Variants in WNT9A observed in about 807,000 individuals in gnomAD.
WNT9A encodes the protein protein Wnt-9a.
In WNT9A, 8 loss-of-function variants were observed where a neutral mutation model predicts 31.4. That is an observed-to-expected ratio of 0.26 (90% confidence interval 0.15 to 0.46). The LOEUF is 0.46. WNT9A is among the 20% of genes least tolerant of loss of function. The probability of loss-of-function intolerance (pLI) is 0.99; values close to 1 mark genes in which losing one functional copy is unlikely to be tolerated. For synonymous variants in WNT9A, 236 were observed against 220.1 expected, an observed-to-expected ratio of 1.07 and a Z score of -0.64; for missense variants, 457 against 522.9, an observed-to-expected ratio of 0.87 and a Z score of 1.23.
chr1:227,921,699 G>A lies in WNT9A; in HGVS notation c.917C>T (p.Pro306Leu), dbSNP rs769456612. The A allele has an allele frequency of 1.6e-5, 26 of 1,612,612 alleles. No homozygotes were observed. Among genetic ancestry groups the A allele is most frequent in the Admixed American group, 1.5e-4 (9 of 59,968 alleles). Residue 306 changes from proline to leucine, a missense_variant, in exon 4 of 4, where the codon CCG becomes CTG. Transcript: ENST00000272164. ...GTGGCACCTACGGCCAGCGGTGCCC[G>A]GGGAGAAGCGGCCAGCCAGGCAGAA... ...PSFCLAGRFSPGTAGRRCHRE... is the reference protein window; with the variant it reads ...PSFCLAGRFSLGTAGRRCHRE...
rs527243805 is a variant in WNT9A at position 227,928,087 on chromosome 1, T to C, written c.96-2568A>G. ...TGCCCTCTCCCTGTGACCCACCGCC[T>C]TGCCCACACTGGTCAGTGTGAGGCC... On this transcript the variant is annotated intron_variant, in intron 1 of 3. Transcript: ENST00000272164. The surrounding 1 kb of genome is among the most constrained non-coding windows in gnomAD (Gnocchi z 4.5). 1.9e-4 allele frequency among the ~76,000 whole-genome samples: 29 copies of C among 152,170 alleles called. No individual in the cohort carries two copies. The highest frequency in any genetic ancestry group is 7.0e-4 in the African/African-American group (29 of 41,518).
Position 227,921,797 on chromosome 1 carries a change from A to G in WNT9A, c.819T>C (p.Arg273=). The G allele has an allele frequency of 1.2e-6, 2 of 1,612,552 alleles. No homozygotes were observed. Among genetic ancestry groups the G allele is most frequent in the Non-Finnish European group, 1.7e-6 (2 of 1,179,696 alleles). Residue 273 remains arginine, a synonymous_variant, in exon 4 of 4, where the codon CGT becomes CGC. Transcript: ENST00000272164. ...EAGAISPPRG[R]ASGAGGSDPL... ...GGTCGCTGCCACCTGCCCCCGAGGC[A>G]CGGCCCCGTGGTGGGGAGATGGCAC...
rs563819330 is a variant in WNT9A, at chr1:227,939,239, G to A, written c.95+8554C>T. 5.3e-5 allele frequency among the ~76,000 whole-genome samples: 8 copies of A among 152,350 alleles called. No homozygotes were observed. In the South Asian group the frequency reaches 1.0e-3, roughly 20 times the overall value. On this transcript the variant is annotated intron_variant, in intron 1 of 3. Transcript: ENST00000272164. Reference sequence around the variant, plus strand: ...TGGTCTCAGGAACCACGGGGGAGGTGGCTCCAGGGAGCGGTGACCCGGTCG... The same window carrying A: ...TGGTCTCAGGAACCACGGGGGAGGTAGCTCCAGGGAGCGGTGACCCGGTCG...
At chr1:227,924,644 C>T (rs1469885273) in intron 2 of WNT9A, among the ~76,000 whole-genome samples, 1 of 152,162 alleles carries the variant, frequency 6.6e-6, no homozygotes, top group Admixed American at 6.5e-5. Flanking sequence ...ATGGCTCCGG[C>T]TCCGTGGTCA....
chr1:227,930,401 C>T (rs1666490079), intron 1 of WNT9A, among the ~76,000 whole-genome samples: 1 of 152,166 alleles, frequency 6.6e-6, no homozygotes, highest in African/African-American at 2.4e-5. Context: ...TGAGTTGTGC[C>T]GGGGCACAGA....
intron 3 of WNT9A, 92 bp from the exon 4 acceptor site, chr1:227,922,092 A>T: frequency 6.7e-7 from 1 of 1,499,696 alleles, no homozygotes; most frequent in Non-Finnish European, 8.9e-7. Context: ...GAGGGACCCC[A>T]CACCCCCACC....
Position 227,924,419 on chromosome 1 carries a change from G to A in WNT9A, c.353-19C>T, listed in dbSNP as rs755025392. The A allele has an allele frequency of 4.2e-5, 68 of 1,603,456 alleles. No individual in the cohort carries two copies. The highest frequency in any genetic ancestry group is 2.8e-4 in the Admixed American group (17 of 59,700). ...TTGAAGCCTGGGGTTGGCAAGGGCC[G>A]ATCAGTGAGCCCAGGCTGCCCAGAG... On this transcript the variant is annotated intron_variant, in intron 2 of 3. Coordinates refer to ENST00000272164, the MANE Select transcript of WNT9A (RefSeq NM_003395.4).
chr1:227,938,393 AC>A (rs1158724825), intron 1 of WNT9A, among the ~76,000 whole-genome samples: 3 of 150,702 alleles, frequency 2.0e-5, no homozygotes, highest in Non-Finnish European at 4.4e-5. Context: ...ACCCACACAA[AC>A]CCCCTCACAC....
Position 227,922,611 on chromosome 1 carries a change from G to A in WNT9A, c.616-611C>T, listed in dbSNP as rs77586907. Among the ~76,000 whole-genome samples, 929 of 152,286 alleles carry A rather than the reference G, an allele frequency of 6.1e-3. 51 individuals are homozygous for A. The East Asian group carries it at 0.13, about 22-fold the overall frequency. On this transcript the variant is annotated intron_variant, in intron 3 of 3. Transcript: ENST00000272164. ...AGGGGAGAGGGGCTCCTGGGGAAGA[G>A]AGAGCTCCTTATACTGCAGGAGAGT...
chr1:227,943,583 G>C (rs899416105), intron 1 of WNT9A, among the ~76,000 whole-genome samples: 1 of 152,178 alleles, frequency 6.6e-6, no homozygotes, highest in African/African-American at 2.4e-5. Context: ...AAATAAAACA[G>C]AAAACCAGTG....
chr1:227,924,752 C>T (rs1666387554), intron 2 of WNT9A, among the ~76,000 whole-genome samples: 2 of 152,232 alleles, frequency 1.3e-5, no homozygotes, highest in South Asian at 4.1e-4. Context: ...TTTAAACAAG[C>T]TCATGCAGTG....
At chr1:227,930,570 T>C (rs1180796608) in intron 1 of WNT9A, among the ~76,000 whole-genome samples, 4 of 152,152 alleles carry the variant, frequency 2.6e-5, no homozygotes, top group Non-Finnish European at 5.9e-5. Flanking sequence ...CCAGCCTGCA[T>C]CACCCCGGTT....
chr1:227,935,388 C>T (rs1243702715), intron 1 of WNT9A, among the ~76,000 whole-genome samples: 2 of 152,200 alleles, frequency 1.3e-5, no homozygotes, highest in Non-Finnish European at 2.9e-5. Context: ...GAGCCTGAGT[C>T]ACAATCTCAG....
At chr1:227,931,191 G>A (rs907567119) in intron 1 of WNT9A, among the ~76,000 whole-genome samples, 1 of 152,086 alleles carries the variant, frequency 6.6e-6, no homozygotes. Context: ...GTGAGCTACA[G>A]AAACTGACCA....
rs1666422357 is a variant in WNT9A at position 227,926,445 on chromosome 1, C to G, written c.96-926G>C. Among the ~76,000 whole-genome samples, 1 of 152,048 alleles carries G rather than the reference C, an allele frequency of 6.6e-6. No individual in the cohort carries two copies. Among genetic ancestry groups the G allele is most frequent in the African/African-American group, 2.4e-5 (1 of 41,416 alleles). Reference sequence around the variant, plus strand: ...CACACCCCGCCCTGGCCCAGCCCAGCCCATATCGAGTCAAGAGCCCTCAAC... The same window carrying G: ...CACACCCCGCCCTGGCCCAGCCCAGGCCATATCGAGTCAAGAGCCCTCAAC... On this transcript the variant is annotated intron_variant, in intron 1 of 3. Coordinates refer to ENST00000272164, the MANE Select transcript of WNT9A (RefSeq NM_003395.4). The surrounding 1 kb of genome is among the most constrained non-coding windows in gnomAD (Gnocchi z 5.0).
chr1:227,936,018 C>T (rs139088710), intron 1 of WNT9A, among the ~76,000 whole-genome samples: 4 of 152,318 alleles, frequency 2.6e-5, no homozygotes, highest in Non-Finnish European at 5.9e-5. Context: ...CTCCATGGCA[C>T]CTTCAGAGCC....
chr1:227,941,894 C>T (rs1279932798), intron 1 of WNT9A, among the ~76,000 whole-genome samples: 2 of 152,082 alleles, frequency 1.3e-5, no homozygotes, highest in African/African-American at 2.4e-5. Context: ...GATCAGGTGG[C>T]GCGACCGAGG....
chr1:227,923,048 G>A (rs1026622814), intron 3 of WNT9A, among the ~76,000 whole-genome samples: 1 of 152,182 alleles, frequency 6.6e-6, no homozygotes, highest in Non-Finnish European at 1.5e-5. Flanking sequence ...AGAGGGGAAG[G>A]GGGGTCATAC....
rs59594965 is a variant in WNT9A, at chr1:227,919,686, T to TACACACACACACACACAC, written c.*1814_*1831dup. 1 of 135,800 alleles carries TACACACACACACACACAC rather than the reference T, an allele frequency of 7.4e-6. No homozygotes were observed. The highest frequency in any genetic ancestry group is 7.2e-5 in the Admixed American group (1 of 13,842). The allele number at this position is 135,800 out of a possible 1,614,324, so 8.4% of individuals were successfully genotyped here. Reference sequence around the variant, plus strand: ...CACAGCCAAGCTGACCATGCCAGTATACACACACACACACACACACACACA... The same window carrying TACACACACACACACACAC: ...CACAGCCAAGCTGACCATGCCAGTATACACACACACACACACACACACACACACACACACACACACACA... On this transcript the variant is annotated 3_prime_UTR_variant, in exon 4 of 4. Transcript: ENST00000272164.
Sources: gnomAD v4.1 joint callset for allele counts (sites outside exome capture counted in the v4.1 genomes callset) on GRCh38, gnomAD v4.1.1 for gene constraint, Gnocchi (gnomAD v3.1) non-coding constraint, MANE v1.5 for transcripts, NCBI Gene and HGNC (gene_info 2026-07-23, HGNC 2026-07-21) for gene names.